APOL3: variants seen among roughly 807,000 people sequenced by gnomAD.
APOL3 encodes the protein TNF-inducible protein CG12-1.
In APOL3, 14 loss-of-function variants were observed where a neutral mutation model predicts 11.6. The observed-to-expected ratio is 1.21, with a 90% CI of 0.80 to 1.89. The LOEUF (loss-of-function observed/expected upper bound fraction) is 1.89. Ranked by LOEUF, APOL3 falls within the 40% of genes most tolerant of loss-of-function variation. The pLI is 0.00. For synonymous variants in APOL3, 192 were observed against 190.6 expected, an observed-to-expected ratio of 1.01 and a Z score of -0.06; for missense variants, 483 against 492.1, an observed-to-expected ratio of 0.98 and a Z score of 0.17.
chr22:36,145,346 AG>A, intron 2 of APOL3, 126 bp downstream of exon 3: 1 of 1,217,106 alleles, frequency 8.2e-7, no homozygotes, highest in Non-Finnish European at 1.2e-6. Context: ...GACTGCTGAG[AG>A]GGACATTCTC....
intron 2 of APOL3, among the ~76,000 whole-genome samples, chr22:36,143,293 C>T (rs942731143): frequency 2.0e-5 from 3 of 152,332 alleles, no homozygotes; most frequent in South Asian, 4.1e-4. Context: ...ACACCTGAAA[C>T]CCTCCCAGAC....
intron 1 of APOL3, among the ~76,000 whole-genome samples, chr22:36,152,256 A>G (rs1449866821): frequency 6.6e-6 from 1 of 152,184 alleles, no homozygotes; most frequent in African/African-American, 2.4e-5. Flanking sequence ...AAGAGGGGGA[A>G]AAAACAAAGG....
intron 1 of APOL3, among the ~76,000 whole-genome samples, chr22:36,152,949 A>C (rs2146843590): frequency 6.6e-6 from 1 of 152,248 alleles, no homozygotes; most frequent in South Asian, 2.1e-4. Context: ...TCTCTACTAA[A>C]AAAATGAAAA....
intron 1 of APOL3, among the ~76,000 whole-genome samples, chr22:36,147,864 C>T (rs1249865258): frequency 6.6e-6 from 1 of 152,162 alleles, no homozygotes; most frequent in African/African-American, 2.4e-5. Flanking sequence ...TGTAACCCCC[C>T]TTAAACTGCC....
At chr22:36,154,510 A>T (rs1313271522) in intron 1 of APOL3, 10 of 436,068 alleles carry the variant, frequency 2.3e-5, no homozygotes, top group African/African-American at 4.1e-5. Context: ...TCTTAATATA[A>T]ATGGATATTT....
intron 1 of APOL3, 157 bp from the exon 2 acceptor site, chr22:36,149,299 G>A (rs999254895): frequency 7.7e-7 from 1 of 1,305,734 alleles, no homozygotes; most frequent in Non-Finnish European, 1.0e-6. Flanking sequence ...CCAGCCAGCT[G>A]GTATTTAGAG....
chr22:36,141,091 T>G, exon 3 of APOL3: 1 of 1,491,360 alleles, frequency 6.7e-7, no homozygotes, highest in Non-Finnish European at 9.0e-7. Flanking sequence ...TCACTAACAC[T>G]CAGCTCCATA....
intron 1 of APOL3, among the ~76,000 whole-genome samples, chr22:36,147,969 C>T (rs1182364118): frequency 6.6e-6 from 1 of 152,198 alleles, no homozygotes; most frequent in Non-Finnish European, 1.5e-5. Flanking sequence ...AGCCAGCTGA[C>T]AGACGGGTAC....
At chr22:36,155,467 T>C (rs142220567) in intron 1 of APOL3, among the ~76,000 whole-genome samples, 2,199 of 152,206 alleles carry the variant, frequency 0.014, 45 homozygotes, top group African/African-American at 0.051. Flanking sequence ...GTGTCTATTG[T>C]CTGGGGCCCC....
exon 3 of APOL3, chr22:36,141,038 A>G: frequency 1.9e-6 from 2 of 1,067,016 alleles, no homozygotes; most frequent in Non-Finnish European, 2.7e-6. Flanking sequence ...TGCCATCTGC[A>G]TTAACCCCTC....
chr22:36,144,880 C>T (rs1603474621), intron 2 of APOL3, among the ~76,000 whole-genome samples: 1 of 151,486 alleles, frequency 6.6e-6, no homozygotes, highest in South Asian at 2.1e-4. Flanking sequence ...ATGCGGTGGC[C>T]GGAGCCTGTA....
At chr22:36,147,998 A>G (rs912763502) in intron 1 of APOL3, among the ~76,000 whole-genome samples, 1 of 152,254 alleles carries the variant, frequency 6.6e-6, no homozygotes, top group African/African-American at 2.4e-5. Context: ...GAATTTTCCA[A>G]CAAGGTAAAC....
At chr22:36,157,214 C>G (rs553906520) in intron 1 of APOL3, among the ~76,000 whole-genome samples, 2 of 152,226 alleles carry the variant, frequency 1.3e-5, no homozygotes, top group African/African-American at 2.4e-5. Context: ...CTCCCCTCCC[C>G]CACGGCAATG....
upstream of APOL3, chr22:36,165,018 C>CAT (rs1416344341): frequency 5.9e-5 from 9 of 152,272 alleles, 1 homozygote; most frequent in Non-Finnish European, 1.2e-4. Context: ...AGAAACAAGG[C>CAT]ATATCTCTGC....
At chr22:36,141,943 A>G in exon 3 of APOL3, 1 of 1,614,002 alleles carries the variant, frequency 6.2e-7, no homozygotes, top group Middle Eastern at 1.6e-4. Flanking sequence ...ACTTGGGGAA[A>G]CTCTTTCAAA....
intron 1 of APOL3, among the ~76,000 whole-genome samples, chr22:36,152,907 G>A (rs909182002): frequency 6.6e-6 from 1 of 152,140 alleles, no homozygotes; most frequent in Non-Finnish European, 1.5e-5. Flanking sequence ...TTGGGAGTTC[G>A]AGAGCAGCCT....
chr22:36,154,092 A>T, intron 1 of APOL3, among the ~76,000 whole-genome samples: 1 of 152,200 alleles, frequency 6.6e-6, no homozygotes. Context: ...ACAGAGAAAC[A>T]GGCTGTAAAA....
chr22:36,140,839 T>G, exon 3 of APOL3: 1 of 208,660 alleles, frequency 4.8e-6, no homozygotes, highest in African/African-American at 2.3e-5. Context: ...ACTCTTCGGC[T>G]TTCTGCATTT....
At chr22:36,154,590 G>A (rs1296691914) in intron 1 of APOL3, 1 of 470,790 alleles carries the variant, frequency 2.1e-6, no homozygotes, top group South Asian at 1.6e-5. Context: ...CAGACATTTG[G>A]AAGCTGGCGT....
Sources: allele counts gnomAD v4.1 joint callset (sites outside exome capture counted in the v4.1 genomes callset), GRCh38; gene constraint gnomAD v4.1.1; transcripts MANE v1.5; gene names NCBI Gene and HGNC (gene_info 2026-07-23, HGNC 2026-07-21).